Variants in SLC12A8 observed in about 807,000 individuals in gnomAD.
SLC12A8 encodes the protein solute carrier family 12 member 8.
SLC12A8 carries 69 observed loss-of-function variants against 75.6 expected under a neutral mutation model. That is an observed-to-expected ratio of 0.91 (90% CI 0.75 to 1.11). SLC12A8 has a LOEUF of 1.11. Among genes scored for constraint, SLC12A8 ranks in the 50% most tolerant of loss-of-function variants. The probability of loss-of-function intolerance (pLI) is 0.00; values close to 1 mark genes in which losing one functional copy is unlikely to be tolerated. For synonymous variants in SLC12A8, 365 were observed against 372.8 expected, an observed-to-expected ratio of 0.98 and a Z score of 0.24; for missense variants, 877 against 896.7, an observed-to-expected ratio of 0.98 and a Z score of 0.28.
At chr3:125,203,785 G>C (rs1935176407) in intron 2 of SLC12A8, among the ~76,000 whole-genome samples, 1 of 152,204 alleles carries the variant, frequency 6.6e-6, no homozygotes, top group African/African-American at 2.4e-5. Flanking sequence ...GGAAACAGTA[G>C]AGTGAAAAGA....
At chr3:125,184,657 G>T (rs12636353) in intron 4 of SLC12A8, among the ~76,000 whole-genome samples, 8 of 151,258 alleles carry the variant, frequency 5.3e-5, no homozygotes, top group Non-Finnish European at 7.4e-5. Context: ...ACAAGGAATA[G>T]GGAGCCTCAA....
chr3:125,163,658 T>C (rs1934223661), intron 5 of SLC12A8, among the ~76,000 whole-genome samples: 1 of 152,152 alleles, frequency 6.6e-6, no homozygotes, highest in South Asian at 2.1e-4. Flanking sequence ...TCCCATGTCT[T>C]TCATTGTGGC....
chr3:125,109,511 G>A (rs370563234), intron 9 of SLC12A8, among the ~76,000 whole-genome samples: 15 of 152,204 alleles, frequency 9.9e-5, no homozygotes, highest in African/African-American at 2.9e-4. Context: ...AATTGGAAGC[G>A]GCTGGGGAGG....
chr3:125,146,991 C>T (rs1337930448), intron 5 of SLC12A8, among the ~76,000 whole-genome samples: 1 of 152,142 alleles, frequency 6.6e-6, no homozygotes, highest in Non-Finnish European at 1.5e-5. Context: ...TGGAAAGGAC[C>T]GTTGTGCTCG....
intron 10 of SLC12A8, among the ~76,000 whole-genome samples, chr3:125,097,313 C>T (rs1049378348): frequency 6.6e-6 from 1 of 151,838 alleles, no homozygotes; most frequent in Non-Finnish European, 1.5e-5. Flanking sequence ...TGCTTAAACC[C>T]AGGAGGCTGA....
chr3:125,193,683 C>T (rs1934950889), intron 2 of SLC12A8, among the ~76,000 whole-genome samples: 1 of 152,206 alleles, frequency 6.6e-6, no homozygotes, highest in African/African-American at 2.4e-5. Context: ...GTACTGGATT[C>T]TCCTGAGTCT....
At chr3:125,163,330 G>C (rs927224991) in intron 5 of SLC12A8, among the ~76,000 whole-genome samples, 1 of 150,704 alleles carries the variant, frequency 6.6e-6, no homozygotes, top group African/African-American at 2.4e-5. Flanking sequence ...AAAGAAAGCC[G>C]GGTGCGGTGG....
Position 125,107,550 on chromosome 3 carries a change from G to A in SLC12A8, c.1636C>T (p.Gln546Ter). 1 of 1,614,168 alleles carries A rather than the reference G, an allele frequency of 6.2e-7. No individual in the cohort carries two copies. Residue 546 changes from glutamine to a stop codon, truncating the protein, a stop_gained, in exon 10 of 14, where the codon CAG becomes TAG. Coordinates refer to ENST00000469902, the MANE Select transcript of SLC12A8 (RefSeq NM_024628.6). LOFTEE classifies it high-confidence loss of function. Reference protein sequence around the residue: ...NKQTSKSEGTQPEGTYGEQLV... With the variant: ...NKQTSKSEGT The stretch of plus-strand genomic sequence containing the variant: ...TGCTCTCCATATGTTCCCTCAGGCT[G>A]AGTCCCTTCGCTCTTGGAAGTCTGC...
chr3:125,140,486 G>C (rs1933603560), intron 5 of SLC12A8, among the ~76,000 whole-genome samples: 1 of 152,124 alleles, frequency 6.6e-6, no homozygotes, highest in Admixed American at 6.6e-5. Flanking sequence ...TGCCCACAGA[G>C]ATCATGGCAT....
intron 5 of SLC12A8, among the ~76,000 whole-genome samples, chr3:125,161,696 AAT>A (rs1934178644): frequency 6.6e-6 from 1 of 151,890 alleles, no homozygotes; most frequent in Non-Finnish European, 1.5e-5. Context: ...AAAAAAAAAA[AAT>A]CTAAGGAACA....
chr3:125,190,288 T>C (rs1386065402), intron 3 of SLC12A8, 87 bp downstream of exon 3: 2 of 1,408,158 alleles, frequency 1.4e-6, no homozygotes, highest in East Asian at 2.3e-5. Flanking sequence ...TTCAGGAATC[T>C]GTGGCCTGCA....
chr3:125,098,407 A>G (rs1488954929), intron 10 of SLC12A8, among the ~76,000 whole-genome samples: 1 of 152,140 alleles, frequency 6.6e-6, no homozygotes, highest in East Asian at 1.9e-4. Context: ...TGTTTCCTTG[A>G]TAAACAGTTC....
At chr3:125,204,661 G>A (rs1054326919) in intron 2 of SLC12A8, among the ~76,000 whole-genome samples, 2 of 152,090 alleles carry the variant, frequency 1.3e-5, no homozygotes, top group African/African-American at 2.4e-5. Flanking sequence ...GTGTTCTATA[G>A]CAAAGAAGGG....
chr3:125,139,886 T>C (rs1933587472), intron 5 of SLC12A8, among the ~76,000 whole-genome samples: 1 of 152,206 alleles, frequency 6.6e-6, no homozygotes, highest in African/African-American at 2.4e-5. Flanking sequence ...CCTGTCCCCA[T>C]AGACACCACA....
At chr3:125,085,642 T>C (rs1181559474) in intron 13 of SLC12A8, among the ~76,000 whole-genome samples, 3 of 152,206 alleles carry the variant, frequency 2.0e-5, no homozygotes, top group South Asian at 4.1e-4. Context: ...CAGTGGTTGA[T>C]CTCAGCTTAC....
chr3:125,212,237 G>GTGGGAAGC lies in SLC12A8; in HGVS notation c.-46+455_-46+462dup, dbSNP rs1393003576. 4.6e-5 allele frequency among the ~76,000 whole-genome samples: 7 copies of GTGGGAAGC among 152,230 alleles called. No individual in the cohort carries two copies. In the East Asian group the frequency reaches 1.4e-3, roughly 30 times the overall value. On this transcript the variant is annotated intron_variant, in intron 1 of 13. Transcript: ENST00000469902. ...GGGTTGGGAGAGGAGGGTTAGCCCA[G>GTGGGAAGC]TGGGAAGCTGGGAAGGCTGGGGGAC... is the stretch of plus-strand genomic sequence containing the variant.
At chr3:125,126,890 C>CT (rs5852442) in intron 6 of SLC12A8, among the ~76,000 whole-genome samples, 21,583 of 148,068 alleles carry the variant, frequency 0.15, 1,686 homozygotes, top group Admixed American at 0.18. Flanking sequence ...CATCTGCTGC[C>CT]TTTTTTTTTT....
At chr3:125,122,641 G>C (rs1280959862) in intron 6 of SLC12A8, among the ~76,000 whole-genome samples, 2 of 152,212 alleles carry the variant, frequency 1.3e-5, no homozygotes, top group Non-Finnish European at 2.9e-5. Flanking sequence ...CTGGACGTTT[G>C]CACCCCAAAT....
At chr3:125,143,186 C>T (rs1933689982) in intron 5 of SLC12A8, among the ~76,000 whole-genome samples, 1 of 152,226 alleles carries the variant, frequency 6.6e-6, no homozygotes, top group African/African-American at 2.4e-5. Flanking sequence ...AGTTTGGAGT[C>T]CAGATAGTAT....
Sources: gnomAD v4.1 joint callset for allele counts (sites outside exome capture counted in the v4.1 genomes callset) on GRCh38, gnomAD v4.1.1 for gene constraint, MANE v1.5 for transcripts, NCBI Gene and HGNC (gene_info 2026-07-23, HGNC 2026-07-21) for gene names.